TMEM163: variants seen among roughly 807,000 people sequenced by gnomAD.
TMEM163 encodes transmembrane protein 163.
TMEM163 carries 17 observed loss-of-function variants against 29.3 expected under a neutral mutation model. The ratio of observed to expected loss-of-function variants is 0.58; its 90% CI spans 0.40 to 0.87. TMEM163 has a LOEUF of 0.87. Ranked by LOEUF, TMEM163 falls within the 40% of genes least tolerant of loss-of-function variation. The pLI, the probability that TMEM163 is intolerant of heterozygous loss-of-function variation, is 0.00. For missense variants in TMEM163, 303 were observed against 381.5 expected (o/e 0.79, Z 1.71); for synonymous variants, 157 against 160.6 (o/e 0.98, Z 0.17).
intron 4 of TMEM163, among the ~76,000 whole-genome samples, chr2:134,548,490 T>C (rs1318745781): frequency 6.6e-6 from 1 of 152,184 alleles, no homozygotes; most frequent in African/African-American, 2.4e-5. Flanking sequence ...GCTCCTGAAA[T>C]CCGAGTATAT....
intron 4 of TMEM163, among the ~76,000 whole-genome samples, chr2:134,544,960 C>A (rs920248194): frequency 5.3e-5 from 8 of 152,130 alleles, no homozygotes; most frequent in Non-Finnish European, 8.8e-5. Flanking sequence ...TAAAATGTGT[C>A]CCCTCCTTCC....
chr2:134,618,358 G>A (rs1682657103), intron 2 of TMEM163, among the ~76,000 whole-genome samples: 1 of 152,070 alleles, frequency 6.6e-6, no homozygotes, highest in South Asian at 2.1e-4. Context: ...ACATAAGGAA[G>A]ATATAATAAA....
At chr2:134,665,043 T>C (rs899404270) in intron 2 of TMEM163, among the ~76,000 whole-genome samples, 4 of 152,104 alleles carry the variant, frequency 2.6e-5, no homozygotes, top group Non-Finnish European at 5.9e-5. Context: ...CCAGCCTAAA[T>C]TGGTGTTTTA....
At chr2:134,659,212 G>A (rs1362671309) in intron 2 of TMEM163, among the ~76,000 whole-genome samples, 1 of 152,156 alleles carries the variant, frequency 6.6e-6, no homozygotes, top group East Asian at 1.9e-4. Flanking sequence ...GTTGCAATTC[G>A]ACCTTACAAT....
rs144191254 is a variant in TMEM163, at chr2:134,601,558, G to A, written c.323-49467C>T. On this transcript the variant is annotated intron_variant, in intron 2 of 7. Coordinates refer to ENST00000281924, the MANE Select transcript of TMEM163 (RefSeq NM_030923.5). ...CTGCAAAGGCAATTCGGCAGGGCTG[G>A]ACCACAGCTGTGTTCCTTCCCGGCC... Among the ~76,000 whole-genome samples, 455 of 152,320 alleles carry A rather than the reference G, an allele frequency of 3.0e-3. 1 individual carries two copies. The highest frequency in any genetic ancestry group is 0.011 in the African/African-American group (441 of 41,578).
chr2:134,702,552 G>C (rs1321310140), intron 2 of TMEM163, among the ~76,000 whole-genome samples: 1 of 152,148 alleles, frequency 6.6e-6, no homozygotes, highest in Non-Finnish European at 1.5e-5. Context: ...GGCTGAAGTG[G>C]GAGGATTACC....
intron 4 of TMEM163, among the ~76,000 whole-genome samples, chr2:134,521,183 G>C (rs2106495140): frequency 6.6e-6 from 1 of 152,228 alleles, no homozygotes; most frequent in African/African-American, 2.4e-5. Context: ...ATCTTTAGTA[G>C]AGATGGGGTT....
intron 6 of TMEM163, among the ~76,000 whole-genome samples, chr2:134,461,316 AG>A (rs1186824966): frequency 6.6e-6 from 1 of 151,590 alleles, no homozygotes; most frequent in Non-Finnish European, 1.5e-5. Context: ...CTAATTTAAA[AG>A]TTTCTTGTGT....
At chr2:134,652,744 T>C (rs1001492357) in intron 2 of TMEM163, among the ~76,000 whole-genome samples, 3 of 132,044 alleles carry the variant, frequency 2.3e-5, no homozygotes, top group Non-Finnish European at 4.7e-5. Context: ...TATTGAGAGT[T>C]TTTAGCATGA....
At chr2:134,694,241 AT>A (rs1256409496) in intron 2 of TMEM163, among the ~76,000 whole-genome samples, 2 of 152,256 alleles carry the variant, frequency 1.3e-5, no homozygotes, top group East Asian at 3.8e-4. Context: ...TCAATTAACC[AT>A]TTAAAAAGCT....
At chr2:134,498,935 C>T (rs994269765) in intron 5 of TMEM163, among the ~76,000 whole-genome samples, 2 of 152,240 alleles carry the variant, frequency 1.3e-5, no homozygotes, top group Non-Finnish European at 2.9e-5. Flanking sequence ...AGGTTCAAAT[C>T]CAGGCTCTGC....
intron 5 of TMEM163, 28 bp from the exon 6 acceptor site, chr2:134,466,253 A>G: frequency 6.3e-7 from 1 of 1,577,736 alleles, no homozygotes; most frequent in Non-Finnish European, 8.7e-7. Context: ...AGATTTCAAC[A>G]GTTCACCTCC....
chr2:134,605,236 G>C (rs1340433506), intron 2 of TMEM163, among the ~76,000 whole-genome samples: 2 of 151,674 alleles, frequency 1.3e-5, no homozygotes, highest in African/African-American at 4.8e-5. Context: ...CACCTTGCAG[G>C]GGCCTTCTGA....
chr2:134,546,189 G>A (rs1200093565), intron 4 of TMEM163, among the ~76,000 whole-genome samples: 1 of 152,188 alleles, frequency 6.6e-6, no homozygotes, highest in Non-Finnish European at 1.5e-5. Flanking sequence ...ATAGGATCCA[G>A]CAATCCCACT....
At chr2:134,484,088 G>A (rs1679262495) in intron 5 of TMEM163, among the ~76,000 whole-genome samples, 1 of 152,142 alleles carries the variant, frequency 6.6e-6, no homozygotes, top group African/African-American at 2.4e-5. Context: ...GTTGCAGTGA[G>A]TGAGATCAAG....
intron 2 of TMEM163, among the ~76,000 whole-genome samples, chr2:134,616,788 A>G (rs1682617618): frequency 6.6e-6 from 1 of 152,230 alleles, no homozygotes; most frequent in Non-Finnish European, 1.5e-5. Flanking sequence ...CAAAGTACAC[A>G]AGACTTCCCT....
chr2:134,493,113 T>C (rs1006488841), intron 5 of TMEM163, among the ~76,000 whole-genome samples: 2 of 152,204 alleles, frequency 1.3e-5, no homozygotes, highest in Non-Finnish European at 2.9e-5. Flanking sequence ...TCTTTTCATG[T>C]GCTTCTTGGC....
intron 2 of TMEM163, among the ~76,000 whole-genome samples, chr2:134,676,256 GT>G (rs1265494633): frequency 6.6e-6 from 1 of 152,154 alleles, no homozygotes; most frequent in African/African-American, 2.4e-5. Flanking sequence ...ATCAGCTCTT[GT>G]GAGCCAGCCC....
chr2:134,459,185 G>C (rs1686471821), intron 6 of TMEM163: 1 of 152,262 alleles, frequency 6.6e-6, no homozygotes, highest in South Asian at 2.1e-4. Flanking sequence ...CCCTGGGGCA[G>C]AGGAAGATTG....
Sources: allele counts gnomAD v4.1 joint callset (sites outside exome capture counted in the v4.1 genomes callset), GRCh38; gene constraint gnomAD v4.1.1; transcripts MANE v1.5; gene names NCBI Gene and HGNC (gene_info 2026-07-23, HGNC 2026-07-21).